Variants in ADGRL3 observed in about 807,000 individuals in gnomAD.
ADGRL3 encodes calcium-independent alpha-latrotoxin receptor 3.
ADGRL3 carries 62 observed loss-of-function variants against 153.5 expected under a neutral mutation model. The ratio of observed to expected loss-of-function variants is 0.40; its 90% CI spans 0.33 to 0.50. The LOEUF (loss-of-function observed/expected upper bound fraction) is 0.50, where lower values mean the gene tolerates loss of function less well. Ranked by LOEUF, ADGRL3 falls within the 20% of genes least tolerant of loss-of-function variation. The probability of loss-of-function intolerance (pLI) is 0.47; values close to 1 mark genes in which losing one functional copy is unlikely to be tolerated. For missense variants in ADGRL3, 1,641 were observed against 1,859.4 expected (o/e 0.88, Z 2.16); for synonymous variants, 710 against 672.5 (o/e 1.06, Z -0.86).
At chr4:61,682,563 A>AATT (rs367844995) in intron 6 of ADGRL3, among the ~76,000 whole-genome samples, 3 of 136,258 alleles carry the variant, frequency 2.2e-5, no homozygotes, top group East Asian at 4.3e-4. Context: ...CTTTAAAAAA[A>AATT]TTTTTTTTTT....
At chr4:61,470,808 A>G (rs1208658878) in intron 2 of ADGRL3, among the ~76,000 whole-genome samples, 2 of 151,936 alleles carry the variant, frequency 1.3e-5, no homozygotes, top group Non-Finnish European at 1.5e-5. Flanking sequence ...AAAAAATAAT[A>G]AAACAGTGGT....
At chr4:61,847,936 TATA>T (rs1335113047) in intron 9 of ADGRL3, among the ~76,000 whole-genome samples, 1 of 20,394 alleles carries the variant, frequency 4.9e-5, no homozygotes, top group Non-Finnish European at 1.1e-4. Flanking sequence ...TAATATAAAA[TATA>T]TTATATATAT....
intron 21 of ADGRL3, 131 bp from the exon 22 acceptor site, chr4:62,028,724 G>A (rs1333903182): frequency 1.6e-6 from 1 of 612,972 alleles, no homozygotes; most frequent in Non-Finnish European, 2.8e-6. Flanking sequence ...TAGATATAAA[G>A]GATAATGATT....
At chr4:61,336,476 G>C (rs144239263) in intron 1 of ADGRL3, among the ~76,000 whole-genome samples, 3 of 150,742 alleles carry the variant, frequency 2.0e-5, no homozygotes, top group Admixed American at 1.3e-4. Context: ...GAGGAGTAAC[G>C]TACTTTCTTG....
At chr4:61,204,895 C>G (rs1180850817) in intron 1 of ADGRL3, among the ~76,000 whole-genome samples, 1 of 152,022 alleles carries the variant, frequency 6.6e-6, no homozygotes, top group Non-Finnish European at 1.5e-5. Flanking sequence ...TGAGAGTGCT[C>G]CTCAAAAATA....
intron 1 of ADGRL3, among the ~76,000 whole-genome samples, chr4:61,350,017 TCTG>T (rs1303668279): frequency 1.3e-5 from 2 of 152,176 alleles, no homozygotes; most frequent in Non-Finnish European, 2.9e-5. Context: ...AAGGTTATCA[TCTG>T]GCCAGTGATA....
chr4:61,387,829 T>C lies in ADGRL3; in HGVS notation c.-174+4640T>C, dbSNP rs533775968. ...CTCCTCAGCTGACAGGATTAAGAGA[T>C]TAAAGTAAAGACAGGCATAGGAAAT... On this transcript the variant is annotated intron_variant, in intron 2 of 26. Coordinates refer to ENST00000683033, the MANE Select transcript of ADGRL3 (RefSeq NM_001387552.1). Among the ~76,000 whole-genome samples the C allele has an allele frequency of 2.0e-5, 3 of 152,174 alleles. No homozygotes were observed. The South Asian group carries it at 6.2e-4, about 32-fold the overall frequency.
At chr4:61,329,897 C>G (rs2095537963) in intron 1 of ADGRL3, among the ~76,000 whole-genome samples, 1 of 152,078 alleles carries the variant, frequency 6.6e-6, no homozygotes, top group African/African-American at 2.4e-5. Context: ...ACAAACACAC[C>G]TCAGAAAACC....
chr4:61,646,358 A>G (rs4860098), intron 5 of ADGRL3, among the ~76,000 whole-genome samples: 150,447 of 151,712 alleles, frequency 0.99, 74,614 homozygotes, highest in East Asian at 1. Flanking sequence ...GAGGAGAGGC[A>G]CTCTGCTTTT....
rs1560589200 is a variant in ADGRL3 at position 62,074,280 on chromosome 4, GAAAC to G, written c.*3380_*3383del. On this transcript the variant is annotated 3_prime_UTR_variant, in exon 27 of 27. Coordinates refer to ENST00000683033, the MANE Select transcript of ADGRL3 (RefSeq NM_001387552.1). ...AGCTAGAAGTAAAACTTATGCCACCGAAACAAACAAATGATTACTTTCTTGTCAA... is the reference window on the plus strand; with the variant it reads ...AGCTAGAAGTAAAACTTATGCCACCGAAACAAATGATTACTTTCTTGTCAA... 1.3e-5 allele frequency: 2 copies of G among 151,946 alleles called. No homozygotes were observed. Among genetic ancestry groups the G allele is most frequent in the East Asian group, 1.9e-4 (1 of 5,178 alleles). The allele number at this position is 151,946 out of a possible 1,614,324, so 9.4% of individuals were successfully genotyped here.
At chr4:61,423,623 A>C (rs1443493367) in intron 2 of ADGRL3, among the ~76,000 whole-genome samples, 1 of 152,226 alleles carries the variant, frequency 6.6e-6, no homozygotes, top group Admixed American at 6.5e-5. Flanking sequence ...CCAACGGATT[A>C]GGGCCAGTAA....
At chr4:61,568,609 G>A (rs1434309587) in intron 4 of ADGRL3, among the ~76,000 whole-genome samples, 1 of 152,010 alleles carries the variant, frequency 6.6e-6, no homozygotes, top group African/African-American at 2.4e-5. Context: ...CCTTAACAAA[G>A]AATTTCTTCA....
At chr4:61,559,533 CA>C (rs1253226467) in intron 4 of ADGRL3, among the ~76,000 whole-genome samples, 1 of 152,110 alleles carries the variant, frequency 6.6e-6, no homozygotes, top group African/African-American at 2.4e-5. Flanking sequence ...CTTCCTTGTG[CA>C]CTAATAGTCA....
intron 5 of ADGRL3, among the ~76,000 whole-genome samples, chr4:61,676,235 A>G (rs2095187416): frequency 6.6e-6 from 1 of 152,056 alleles, no homozygotes; most frequent in Non-Finnish European, 1.5e-5. Flanking sequence ...AAGGAACGTG[A>G]CAGTTAATTC....
intron 5 of ADGRL3, among the ~76,000 whole-genome samples, chr4:61,609,179 A>G (rs936270232): frequency 7.2e-5 from 11 of 152,102 alleles, no homozygotes; most frequent in African/African-American, 2.7e-4. Flanking sequence ...CTGTTCGCCA[A>G]TTTTACATGA....
intron 4 of ADGRL3, among the ~76,000 whole-genome samples, chr4:61,543,342 G>C (rs150823639): frequency 1.9e-4 from 29 of 152,228 alleles, no homozygotes; most frequent in African/African-American, 6.3e-4. Context: ...GCAAAGGGGA[G>C]AGTGAGAAGA....
intron 5 of ADGRL3, 125 bp from the exon 6 acceptor site, chr4:61,676,701 C>A: frequency 1.4e-6 from 1 of 693,294 alleles, no homozygotes; most frequent in Non-Finnish European, 2.6e-6. Context: ...AGGCCTAAAG[C>A]CCCAAATTAA....
intron 1 of ADGRL3, among the ~76,000 whole-genome samples, chr4:61,302,930 A>G (rs984717885): frequency 3.9e-5 from 6 of 152,134 alleles, no homozygotes; most frequent in Admixed American, 6.6e-5. Context: ...TACATGGACT[A>G]TTTCTTTCTG....
At chr4:61,423,245 A>G (rs937280729) in intron 2 of ADGRL3, among the ~76,000 whole-genome samples, 2 of 152,224 alleles carry the variant, frequency 1.3e-5, no homozygotes, top group Non-Finnish European at 2.9e-5. Context: ...CGACTACCCA[A>G]ATGAAACAAC....
Sources: allele counts gnomAD v4.1 joint callset (sites outside exome capture counted in the v4.1 genomes callset), GRCh38; gene constraint gnomAD v4.1.1; transcripts MANE v1.5; gene names NCBI Gene and HGNC (gene_info 2026-07-23, HGNC 2026-07-21).